Variants in SLC41A2 observed in about 807,000 individuals in gnomAD.
The protein encoded by SLC41A2 is SLC41A1-like 1.
Under a neutral mutation model 58.3 loss-of-function variants are expected in SLC41A2, and 32 were observed. That is an observed-to-expected ratio of 0.55 (90% CI 0.41 to 0.74). SLC41A2 has a LOEUF of 0.74. Ranked by LOEUF, SLC41A2 falls within the 30% of genes least tolerant of loss-of-function variation. SLC41A2 has a pLI of 0.00. For synonymous variants in SLC41A2, 190 were observed against 235.0 expected, an observed-to-expected ratio of 0.81 and a Z score of 1.75; for missense variants, 514 against 680.6, an observed-to-expected ratio of 0.76 and a Z score of 2.72.
chr12:104,957,600 A>C (rs1316436212), intron 1 of SLC41A2, among the ~76,000 whole-genome samples: 1 of 152,250 alleles, frequency 6.6e-6, no homozygotes, highest in African/African-American at 2.4e-5. Context: ...TAACACATAG[A>C]TATGTGTCAT....
intron 3 of SLC41A2, among the ~76,000 whole-genome samples, chr12:104,905,739 C>T (rs1485203853): frequency 3.9e-5 from 6 of 152,254 alleles, no homozygotes; most frequent in African/African-American, 7.2e-5. Context: ...GTACACCCTC[C>T]GCAGCCACTG....
chr12:104,815,153 A>G (rs1003559951), intron 10 of SLC41A2, among the ~76,000 whole-genome samples: 1 of 152,244 alleles, frequency 6.6e-6, no homozygotes, highest in African/African-American at 2.4e-5. Flanking sequence ...TCAGCAAAAG[A>G]TATCTGTTTC....
At chr12:104,897,637 TA>T (rs2045358099) in intron 3 of SLC41A2, among the ~76,000 whole-genome samples, 1 of 152,122 alleles carries the variant, frequency 6.6e-6, no homozygotes, top group Non-Finnish European at 1.5e-5. Context: ...TGACATAAAA[TA>T]AAAAATAAAA....
intron 5 of SLC41A2, among the ~76,000 whole-genome samples, chr12:104,888,200 C>T (rs981468477): frequency 2.6e-5 from 4 of 151,980 alleles, no homozygotes; most frequent in Non-Finnish European, 5.9e-5. Context: ...CAAGAAACTA[C>T]CCCGATACAA....
chr12:104,813,243 T>C (rs1457754776), intron 10 of SLC41A2, among the ~76,000 whole-genome samples: 1 of 151,730 alleles, frequency 6.6e-6, no homozygotes, highest in Admixed American at 6.6e-5. Context: ...TGGAAAAATA[T>C]GGTAATGATC....
intron 10 of SLC41A2, among the ~76,000 whole-genome samples, chr12:104,833,500 G>A (rs919156836): frequency 1.3e-5 from 2 of 152,126 alleles, no homozygotes; most frequent in East Asian, 3.8e-4. Flanking sequence ...CATTACAATA[G>A]TAAGTAAAAA....
chr12:104,853,912 T>TTATTATTATTATTTA (rs1555202445), intron 8 of SLC41A2, among the ~76,000 whole-genome samples: 647 of 51,370 alleles, frequency 0.013, 17 homozygotes, highest in Non-Finnish European at 0.017. Flanking sequence ...GCCTGGCTGA[T>TTATTATTATTATTTA]TTTTTTTTTT....
intron 1 of SLC41A2, among the ~76,000 whole-genome samples, chr12:104,938,389 C>T (rs1434640082): frequency 6.6e-6 from 1 of 152,124 alleles, no homozygotes. Flanking sequence ...GTTATTGGTC[C>T]CCTCCTACAG....
At chr12:104,826,494 G>C (rs2041850557) in intron 10 of SLC41A2, among the ~76,000 whole-genome samples, 2 of 152,134 alleles carry the variant, frequency 1.3e-5, no homozygotes, top group Admixed American at 1.3e-4. Flanking sequence ...TTAAAGACAT[G>C]AGTCCCAGAG....
intron 10 of SLC41A2, among the ~76,000 whole-genome samples, chr12:104,816,668 G>A (rs1219283514): frequency 6.6e-6 from 1 of 152,200 alleles, no homozygotes; most frequent in Non-Finnish European, 1.5e-5. Flanking sequence ...CACAGAAGGA[G>A]CAGGAAAGAA....
At chr12:104,932,340 A>C (rs1283892730) in intron 1 of SLC41A2, among the ~76,000 whole-genome samples, 1 of 152,162 alleles carries the variant, frequency 6.6e-6, no homozygotes, top group African/African-American at 2.4e-5. Context: ...ATAAGGATAT[A>C]GTAGGCAGGG....
chr12:104,885,458 T>C (rs1234244511), intron 6 of SLC41A2, among the ~76,000 whole-genome samples: 2 of 152,222 alleles, frequency 1.3e-5, no homozygotes, highest in Non-Finnish European at 2.9e-5. Context: ...TATTTTAAAG[T>C]ACACCATAAA....
intron 6 of SLC41A2, among the ~76,000 whole-genome samples, chr12:104,875,379 C>T (rs1460912008): frequency 6.6e-6 from 1 of 152,198 alleles, no homozygotes; most frequent in Non-Finnish European, 1.5e-5. Flanking sequence ...TCAAGTGATC[C>T]TCTCACCTCA....
At chr12:104,930,070 G>C (rs532070895) in intron 1 of SLC41A2, among the ~76,000 whole-genome samples, 1 of 152,142 alleles carries the variant, frequency 6.6e-6, no homozygotes, top group African/African-American at 2.4e-5. Flanking sequence ...AATTCCTTCT[G>C]AGGAACATTT....
chr12:104,847,156 CAT>C (rs1487930556), intron 8 of SLC41A2, among the ~76,000 whole-genome samples: 3 of 150,078 alleles, frequency 2.0e-5, no homozygotes, highest in African/African-American at 7.4e-5. Flanking sequence ...AAGACAGAGA[CAT>C]AAATTAAAAG....
chr12:104,844,621 C>A lies in SLC41A2; in HGVS notation c.1388-1G>T. ...ACTTGAGCAGACTTATTATTTACTCCTGTAATATAAAATGTAAAAGTAATT... is the reference window on the plus strand; with the variant it reads ...ACTTGAGCAGACTTATTATTTACTCATGTAATATAAAATGTAAAAGTAATT... On this transcript the variant is annotated splice_acceptor_variant, in intron 9 of 10. Coordinates refer to ENST00000258538, the MANE Select transcript of SLC41A2 (RefSeq NM_001352171.3). LOFTEE classifies it high-confidence loss of function. 6.8e-7 allele frequency: 1 copy of A among 1,480,358 alleles called. No homozygotes were observed. Among genetic ancestry groups the A allele is most frequent in the Non-Finnish European group, 9.0e-7 (1 of 1,112,838 alleles). The allele number at this position is 1,480,358 out of a possible 1,614,324, so 91.7% of individuals were successfully genotyped here.
chr12:104,896,785 C>A (rs1354624437), intron 3 of SLC41A2, among the ~76,000 whole-genome samples: 1 of 152,210 alleles, frequency 6.6e-6, no homozygotes, highest in Non-Finnish European at 1.5e-5. Context: ...CCACCAGTCC[C>A]TTCTAAGGCT....
intron 9 of SLC41A2, among the ~76,000 whole-genome samples, chr12:104,845,480 GGTTT>G (rs2042569495): frequency 6.6e-6 from 1 of 152,024 alleles, no homozygotes; most frequent in South Asian, 2.1e-4. Flanking sequence ...CTTCTCAACT[GGTTT>G]GTTTGAGATC....
chr12:104,863,789 T>C (rs1383676139), intron 7 of SLC41A2, among the ~76,000 whole-genome samples: 1 of 152,164 alleles, frequency 6.6e-6, no homozygotes, highest in Non-Finnish European at 1.5e-5. Flanking sequence ...AGAAATTTCA[T>C]TACTCATAGC....
Sources: allele counts gnomAD v4.1 joint callset (sites outside exome capture counted in the v4.1 genomes callset), GRCh38; gene constraint gnomAD v4.1.1; transcripts MANE v1.5; gene names NCBI Gene and HGNC (gene_info 2026-07-23, HGNC 2026-07-21).